Variants in CNTNAP4 observed in about 807,000 individuals in gnomAD.
The protein encoded by CNTNAP4 is contactin associated protein family member 4, also known as contactin-associated protein-like 4.
In CNTNAP4, 98 loss-of-function variants were observed where a neutral mutation model predicts 148.4. That is an observed-to-expected ratio of 0.66 (90% CI 0.56 to 0.78). CNTNAP4 has a LOEUF of 0.78. Among genes scored for constraint, CNTNAP4 ranks in the 30% least tolerant of loss-of-function variants. The pLI is 0.00. For missense variants in CNTNAP4, 1,935 were observed against 1,565.6 expected (o/e 1.24, Z -3.98); for synonymous variants, 730 against 565.1 (o/e 1.29, Z -4.14).
chr16:76,452,053 A>G, intron 7 of CNTNAP4, among the ~76,000 whole-genome samples: 1 of 150,620 alleles, frequency 6.6e-6, no homozygotes, highest in East Asian at 1.9e-4. Flanking sequence ...TGCAGCTGGT[A>G]AAAATGTTTT....
At chr16:76,538,835 T>C (rs1157338769) in intron 19 of CNTNAP4, among the ~76,000 whole-genome samples, 1 of 152,072 alleles carries the variant, frequency 6.6e-6, no homozygotes, top group Non-Finnish European at 1.5e-5. Context: ...GTTATATCCA[T>C]GCAGTGTTAA....
intron 3 of CNTNAP4, among the ~76,000 whole-genome samples, chr16:76,413,520 A>G (rs1006354170): frequency 1.3e-5 from 2 of 150,916 alleles, no homozygotes; most frequent in Non-Finnish European, 3.0e-5. Context: ...TGCCAATAAG[A>G]CATTCTCTTA....
chr16:76,370,943 G>T (rs1276377488), intron 3 of CNTNAP4, among the ~76,000 whole-genome samples: 1 of 147,202 alleles, frequency 6.8e-6, no homozygotes, highest in African/African-American at 2.5e-5. Context: ...TTCTGTCCTG[G>T]TAATATTTAT....
intron 15 of CNTNAP4, among the ~76,000 whole-genome samples, chr16:76,518,495 A>T (rs906592117): frequency 3.9e-5 from 6 of 152,112 alleles, no homozygotes; most frequent in African/African-American, 1.4e-4. Flanking sequence ...AGTTTAGAGA[A>T]TTTTATTTTT....
At chr16:76,374,835 C>G (rs1264422191) in intron 3 of CNTNAP4, among the ~76,000 whole-genome samples, 1 of 151,486 alleles carries the variant, frequency 6.6e-6, no homozygotes, top group Non-Finnish European at 1.5e-5. Flanking sequence ...ATGGCTCAAT[C>G]TCGGCTCACA....
intron 12 of CNTNAP4, among the ~76,000 whole-genome samples, chr16:76,489,443 A>G (rs1256904048): frequency 6.6e-6 from 1 of 152,194 alleles, no homozygotes; most frequent in African/African-American, 2.4e-5. Flanking sequence ...GCTAAATTAT[A>G]TGAAAATGTT....
At chr16:76,531,889 G>T (rs1197115163) in intron 17 of CNTNAP4, among the ~76,000 whole-genome samples, 1 of 152,152 alleles carries the variant, frequency 6.6e-6, no homozygotes, top group Non-Finnish European at 1.5e-5. Context: ...AATAACGAAA[G>T]TACAGAATTA....
At chr16:76,477,997 C>T (rs563342008) in intron 11 of CNTNAP4, among the ~76,000 whole-genome samples, 4 of 152,204 alleles carry the variant, frequency 2.6e-5, no homozygotes, top group South Asian at 4.1e-4. Context: ...AGGGTTTTTG[C>T]CCATAACTAT....
chr16:76,293,116 T>C lies in CNTNAP4; in HGVS notation c.85+15369T>C, dbSNP rs191011710. On this transcript the variant is annotated intron_variant, in intron 1 of 23. Coordinates refer to ENST00000611870, the MANE Select transcript of CNTNAP4 (RefSeq NM_033401.5). ...TTATGCCTGAAGCTCTTAATATTTC[T>C]TTTTTCTTTCTTTCTTTTTTTTTTT... Among the ~76,000 whole-genome samples, 1,192 of 152,166 alleles carry C rather than the reference T, an allele frequency of 7.8e-3. 15 individuals carry two copies. Among genetic ancestry groups the C allele is most frequent in the African/African-American group, 0.027 (1,135 of 41,530 alleles).
Position 76,407,815 on chromosome 16 carries a change from T to C in CNTNAP4, c.391-19637T>C, listed in dbSNP as rs776840425. The stretch of plus-strand genomic sequence containing the variant: ...AAAGCAGTGGCAGGGTTTGAGAGGA[T>C]TGACTTTAATTTTCAAGTTTGGCTA... On this transcript the variant is annotated intron_variant, in intron 3 of 23. Transcript: ENST00000611870. Among the ~76,000 whole-genome samples, 26 of 152,094 alleles carry C rather than the reference T, an allele frequency of 1.7e-4. 1 individual carries two copies. The highest frequency in any genetic ancestry group is 2.6e-4 in the Non-Finnish European group (18 of 68,014).
At chr16:76,539,114 G>T (rs191975811) in intron 19 of CNTNAP4, among the ~76,000 whole-genome samples, 1 of 151,936 alleles carries the variant, frequency 6.6e-6, no homozygotes, top group Admixed American at 6.6e-5. Flanking sequence ...ATATATTAGG[G>T]CATTTTCTTT....
chr16:76,362,641 A>G (rs2013575943), intron 3 of CNTNAP4, among the ~76,000 whole-genome samples: 1 of 152,208 alleles, frequency 6.6e-6, no homozygotes, highest in South Asian at 2.1e-4. Flanking sequence ...GGGTGTCAAG[A>G]ACAAACAAAG....
intron 3 of CNTNAP4, among the ~76,000 whole-genome samples, chr16:76,387,921 C>T (rs1039604965): frequency 1.3e-5 from 2 of 152,168 alleles, no homozygotes; most frequent in Non-Finnish European, 2.9e-5. Flanking sequence ...CTATTCCCCT[C>T]TTTTGTTTTC....
rs2080950486 is a variant in CNTNAP4 at position 76,461,294 on chromosome 16, G to T, written c.1334-662G>T. Among the ~76,000 whole-genome samples, 3 of 152,118 alleles carry T rather than the reference G, an allele frequency of 2.0e-5. No homozygotes were observed. In the South Asian group the frequency reaches 6.2e-4, roughly 32 times the overall value. On this transcript the variant is annotated intron_variant, in intron 8 of 23. Transcript: ENST00000611870. ...CTGTTTGACCTCAGCAGGAAATGTG[G>T]ACAGGGCCGCTTAAGGTCTTTACTG...
At chr16:76,470,497 A>ATATATAT (rs398119511) in intron 10 of CNTNAP4, among the ~76,000 whole-genome samples, 10 of 137,444 alleles carry the variant, frequency 7.3e-5, no homozygotes, top group African/African-American at 2.4e-4. Context: ...ATATATATAT[A>ATATATAT]AAATTAGTCG....
rs563922737 is a variant in CNTNAP4, at chr16:76,303,759, A to G, written c.86-12654A>G. On this transcript the variant is annotated intron_variant, in intron 1 of 23. Transcript: ENST00000611870. ...CAGCTCTGAAGCTGAAGAGATGTAA[A>G]GAAAACTATGGTCTTTTGGAACATC... 4.6e-5 allele frequency among the ~76,000 whole-genome samples: 7 copies of G among 152,346 alleles called. No homozygotes were observed. The South Asian group carries it at 1.4e-3, about 32-fold the overall frequency.
At position 76,553,803 on chromosome 16, in the gene CNTNAP4, T is replaced by G. The variant is rs1597151011; in HGVS notation, c.3662-33T>G. 11 of 1,453,822 alleles carry G rather than the reference T, an allele frequency of 7.6e-6. No individual in the cohort carries two copies. The East Asian group carries it at 2.5e-4, about 33-fold the overall frequency. The allele number at this position is 1,453,822 out of a possible 1,614,324, so 90.1% of individuals were successfully genotyped here. ...AAATTTCTTCTTTTACTTGCCTATA[T>G]CACCTTCCCCCTTTGTTGTGCTTTA... On this transcript the variant is annotated intron_variant, in intron 22 of 23. Coordinates refer to ENST00000611870, the MANE Select transcript of CNTNAP4 (RefSeq NM_033401.5).
intron 3 of CNTNAP4, among the ~76,000 whole-genome samples, chr16:76,374,711 A>G (rs964622358): frequency 1.4e-4 from 21 of 150,940 alleles, no homozygotes; most frequent in African/African-American, 5.1e-4. Flanking sequence ...AATCCATCTA[A>G]GTTGAATAAA....
At chr16:76,300,683 A>G (rs181585041) in intron 1 of CNTNAP4, among the ~76,000 whole-genome samples, 76 of 152,320 alleles carry the variant, frequency 5.0e-4, no homozygotes, top group Admixed American at 2.0e-3. Flanking sequence ...ACAAAGTTGT[A>G]GTAAAGATTT....
Sources: gnomAD v4.1 joint callset for allele counts (sites outside exome capture counted in the v4.1 genomes callset) on GRCh38, gnomAD v4.1.1 for gene constraint, MANE v1.5 for transcripts, NCBI Gene and HGNC (gene_info 2026-07-23, HGNC 2026-07-21) for gene names.